Variants in MGST3 observed in about 807,000 individuals in gnomAD.
The protein encoded by MGST3 is microsomal glutathione S-transferase 3.
In MGST3, 13 loss-of-function variants were observed where a neutral mutation model predicts 15.8. The ratio of observed to expected loss-of-function variants is 0.82; its 90% CI spans 0.54 to 1.31. The LOEUF (loss-of-function observed/expected upper bound fraction) is 1.31, where lower values mean the gene tolerates loss of function less well. MGST3 is among the 50% of genes most tolerant of loss of function. The probability of loss-of-function intolerance (pLI) is 0.00; values close to 1 mark genes in which losing one functional copy is unlikely to be tolerated. For synonymous variants in MGST3, 49 were observed against 68.1 expected, an observed-to-expected ratio of 0.72 and a Z score of 1.38; for missense variants, 155 against 192.4, an observed-to-expected ratio of 0.81 and a Z score of 1.15.
Position 165,655,637 on chromosome 1 carries a change from C to T in MGST3, c.*133C>T, listed in dbSNP as rs952277267. Reference sequence around the variant, plus strand: ...TACCTAAAACTCCTGACTCTTACCACTCATTTCCGTTTGAGTCTGTATCTG... The same window carrying T: ...TACCTAAAACTCCTGACTCTTACCATTCATTTCCGTTTGAGTCTGTATCTG... On this transcript the variant is annotated 3_prime_UTR_variant, in exon 6 of 6. Transcript: ENST00000367889. 39 of 1,093,034 alleles carry T rather than the reference C, an allele frequency of 3.6e-5. 2 individuals carry two copies. Among genetic ancestry groups the T allele is most frequent in the South Asian group, 3.1e-4 (21 of 68,792 alleles). The allele number at this position is 1,093,034 out of a possible 1,614,324, so 67.7% of individuals were successfully genotyped here. A position where few individuals can be genotyped will look rare whatever the true frequency, so the allele number is the denominator to read the frequency against.
chr1:165,636,446 C>CA (rs1557990796), intron 1 of MGST3, among the ~76,000 whole-genome samples: 1 of 152,058 alleles, frequency 6.6e-6, no homozygotes, highest in African/African-American at 2.4e-5. Flanking sequence ...AAGAGGATTG[C>CA]GTTTATGGGC....
chr1:165,650,471 T>C (rs770198695), intron 2 of MGST3: 6 of 193,048 alleles, frequency 3.1e-5, no homozygotes, highest in Non-Finnish European at 6.5e-5. Flanking sequence ...TTGTCCCTGG[T>C]GAGTGGTTTT....
At chr1:165,648,151 T>C (rs1648457643) in intron 1 of MGST3, among the ~76,000 whole-genome samples, 1 of 152,230 alleles carries the variant, frequency 6.6e-6, no homozygotes, top group Non-Finnish European at 1.5e-5. Flanking sequence ...GCAAGGAAGC[T>C]TGGAGGGAAG....
intron 1 of MGST3, among the ~76,000 whole-genome samples, chr1:165,638,231 C>A (rs1480939409): frequency 6.6e-6 from 1 of 152,214 alleles, no homozygotes; most frequent in Non-Finnish European, 1.5e-5. Flanking sequence ...CTTATCCCAG[C>A]ACTTTGGGAG....
chr1:165,649,718 C>T (rs2101722900), intron 1 of MGST3, 123 bp from the exon 2 acceptor site: 4 of 1,148,840 alleles, frequency 3.5e-6, no homozygotes, highest in Non-Finnish European at 5.2e-6. Context: ...CAGATTGATT[C>T]ATACCTTTTT....
intron 1 of MGST3, among the ~76,000 whole-genome samples, chr1:165,633,570 C>T (rs1648015730): frequency 6.6e-6 from 1 of 152,082 alleles, no homozygotes; most frequent in African/African-American, 2.4e-5. Flanking sequence ...TGTACCACAG[C>T]TTCATTCTAA....
chr1:165,653,859 T>C, intron 4 of MGST3: 1 of 279,580 alleles, frequency 3.6e-6, no homozygotes, highest in South Asian at 3.8e-5. Flanking sequence ...GAGTCTTCAG[T>C]CAATCTCATG....
intron 1 of MGST3, chr1:165,646,006 G>A (rs886394529): frequency 2.6e-5 from 4 of 152,232 alleles, no homozygotes; most frequent in Non-Finnish European, 4.4e-5. Context: ...CAAGGGCAAA[G>A]TTCCCACTCT....
intron 3 of MGST3, chr1:165,651,305 A>G: frequency 1.7e-6 from 1 of 589,192 alleles, no homozygotes; most frequent in Non-Finnish European, 3.1e-6. Context: ...TATTCTTTTC[A>G]AAAAATGTCT....
intron 1 of MGST3, among the ~76,000 whole-genome samples, chr1:165,634,767 CT>C (rs2101713050): frequency 4.5e-5 from 5 of 111,864 alleles, no homozygotes; most frequent in Admixed American, 9.2e-5. Flanking sequence ...CTCCCTCCCT[CT>C]CTCTCCCTCC....
At chr1:165,632,282 C>T (rs758336073) in intron 1 of MGST3, 1 of 1,612,468 alleles carries the variant, frequency 6.2e-7, no homozygotes, top group East Asian at 2.2e-5. Context: ...CAGGTATGTG[C>T]TGTTGGGCCT....
chr1:165,650,786 A>G (rs1480255123), intron 2 of MGST3: 12 of 544,820 alleles, frequency 2.2e-5, no homozygotes, highest in Non-Finnish European at 4.0e-5. Context: ...TTGTGCAACT[A>G]CAGCGCAGAC....
At chr1:165,651,855 A>G in intron 3 of MGST3, 123 bp from the exon 4 acceptor site, 2 of 641,520 alleles carry the variant, frequency 3.1e-6, no homozygotes, top group Admixed American at 2.8e-5. Flanking sequence ...AGATCATGCC[A>G]CTGCATTCCA....
chr1:165,642,217 C>G (rs892484787), intron 1 of MGST3, among the ~76,000 whole-genome samples: 1 of 152,226 alleles, frequency 6.6e-6, no homozygotes, highest in African/African-American at 2.4e-5. Context: ...GTTCCCTGTT[C>G]GTCTCCAGCA....
chr1:165,654,308 G>A lies in MGST3; in HGVS notation c.279G>A (p.Trp93Ter). Residue 93 changes from tryptophan (W) to a stop codon, truncating the protein, a stop_gained, in exon 5 of 6, where the codon TGG becomes TGA. Coordinates refer to ENST00000367889, the MANE Select transcript of MGST3 (RefSeq NM_004528.4). LOFTEE classifies it high-confidence loss of function. ...PRIASGLGLA[W>*]IVGRVLYAYG... ...TAGCTTCTGGCCTGGGCTTGGCCTG[G>A]ATTGTTGGACGAGTTCTTTATGCTT... The A allele has an allele frequency of 6.2e-7, 1 of 1,614,130 alleles. No homozygotes were observed. The highest frequency in any genetic ancestry group is 2.2e-5 in the East Asian group (1 of 44,882).
At chr1:165,651,172 T>C (rs1450046324) in intron 3 of MGST3, 85 bp downstream of exon 3, 5 of 1,135,558 alleles carry the variant, frequency 4.4e-6, no homozygotes, top group South Asian at 1.2e-5. Context: ...TGCGCTGTAT[T>C]TGCTGAGTCA....
At chr1:165,654,377 G>T in intron 5 of MGST3, 26 bp downstream of exon 5, 1 of 1,605,704 alleles carries the variant, frequency 6.2e-7, no homozygotes, top group South Asian at 1.1e-5. Flanking sequence ...CATTTGCCAA[G>T]GAAACAACTT....
At chr1:165,644,908 A>G (rs905053067) in intron 1 of MGST3, among the ~76,000 whole-genome samples, 1 of 151,918 alleles carries the variant, frequency 6.6e-6, no homozygotes, top group Non-Finnish European at 1.5e-5. Context: ...ACAGGCACTC[A>G]TCACCTCGCC....
chr1:165,631,243 A>G lies in MGST3; in HGVS notation c.-58A>G, dbSNP rs1647932778. Reference sequence around the variant, plus strand: ...CGCCCCAGGCGAGGGCGCCGCACCCACACCGCGCTGCGCAGTTTTGTTCTG... The same window carrying G: ...CGCCCCAGGCGAGGGCGCCGCACCCGCACCGCGCTGCGCAGTTTTGTTCTG... On this transcript the variant is annotated 5_prime_UTR_variant, in exon 1 of 6. Transcript: ENST00000367889. 1 of 152,618 alleles carries G rather than the reference A, an allele frequency of 6.6e-6. No homozygotes were observed. The highest frequency in any genetic ancestry group is 1.5e-5 in the Non-Finnish European group (1 of 68,094). 9.5% of individuals were successfully genotyped at this position (152,618 alleles called of 1,614,324 possible). A position where few individuals can be genotyped will look rare whatever the true frequency, so the allele number is the denominator to read the frequency against.
Sources: gnomAD v4.1 joint callset for allele counts (sites outside exome capture counted in the v4.1 genomes callset) on GRCh38, gnomAD v4.1.1 for gene constraint, MANE v1.5 for transcripts, NCBI Gene and HGNC (gene_info 2026-07-23, HGNC 2026-07-21) for gene names.